Variants in CSMD1 observed in about 807,000 individuals in gnomAD.
CSMD1 encodes the protein CUB and Sushi multiple domains 1, also known as CUB and sushi domain-containing protein 1.
Under a neutral mutation model 417.5 loss-of-function variants are expected in CSMD1, and 213 were observed. The observed-to-expected ratio is 0.51, with a 90% CI of 0.46 to 0.57. The LOEUF (loss-of-function observed/expected upper bound fraction) is 0.57. Among genes scored for constraint, CSMD1 ranks in the 20% least tolerant of loss-of-function variants. The pLI is 0.00. For missense variants in CSMD1, 6,923 were observed against 4,529.7 expected (o/e 1.53, Z -15.17); for synonymous variants, 2,862 against 1,736.8 (o/e 1.65, Z -16.11).
At chr8:3,247,282 T>C (rs1356987977) in intron 26 of CSMD1, among the ~76,000 whole-genome samples, 2 of 152,168 alleles carry the variant, frequency 1.3e-5, no homozygotes, top group African/African-American at 4.8e-5. Context: ...GTCCTCAGGC[T>C]CCCTGGAGAG....
intron 1 of CSMD1, among the ~76,000 whole-genome samples, chr8:4,891,863 T>C (rs1479637925): frequency 6.6e-6 from 1 of 152,142 alleles, no homozygotes; most frequent in Non-Finnish European, 1.5e-5. Flanking sequence ...TATCCATTGA[T>C]TGTAAAAGTT....
chr8:4,683,820 G>A (rs1806195434), intron 1 of CSMD1, among the ~76,000 whole-genome samples: 1 of 152,084 alleles, frequency 6.6e-6, no homozygotes, highest in African/African-American at 2.4e-5. Context: ...GTAAAAATAA[G>A]AACAAGTAGA....
rs757020024 is a variant in CSMD1 at position 4,637,382 on chromosome 8, C to G, written c.262G>C (p.Val88Leu). Reference protein sequence around the residue: ...ALEEDFDILSVYDGQPQQGNL... With the variant: ...ALEEDFDILSLYDGQPQQGNL... ...CCTTGTTGAGGCTGTCCATCGTAAA[C>G]TGATAAAATATCAAAATCTTCTTCA... Residue 88 changes from valine (V) to leucine (L), a missense_variant, in exon 2 of 70, where the codon GTT becomes CTT. Transcript: ENST00000635120. 6.8e-6 allele frequency: 11 copies of G among 1,613,968 alleles called. No homozygotes were observed. Among genetic ancestry groups the G allele is most frequent in the Admixed American group, 3.3e-5 (2 of 60,028 alleles).
At chr8:4,524,216 T>G (rs982909847) in intron 2 of CSMD1, among the ~76,000 whole-genome samples, 2 of 150,930 alleles carry the variant, frequency 1.3e-5, no homozygotes, top group Non-Finnish European at 2.9e-5. Context: ...ATTTATATAT[T>G]AAACATTGAA....
At chr8:4,180,296 A>G (rs913173588) in intron 3 of CSMD1, among the ~76,000 whole-genome samples, 1 of 152,020 alleles carries the variant, frequency 6.6e-6, no homozygotes, top group Non-Finnish European at 1.5e-5. Context: ...ATGACACTGG[A>G]AATCATCATT....
chr8:3,504,831 G>C (rs1242412950), intron 10 of CSMD1, among the ~76,000 whole-genome samples: 3 of 152,152 alleles, frequency 2.0e-5, no homozygotes, highest in African/African-American at 2.4e-5. Context: ...TAAATTTCAA[G>C]AGAGTAGCAA....
intron 2 of CSMD1, among the ~76,000 whole-genome samples, chr8:4,491,417 C>T (rs1268363686): frequency 6.6e-6 from 1 of 152,002 alleles, no homozygotes; most frequent in African/African-American, 2.4e-5. Context: ...AACCTTACGC[C>T]CTAGCTGTGA....
At chr8:3,812,712 C>T (rs1261562618) in intron 5 of CSMD1, among the ~76,000 whole-genome samples, 2 of 152,136 alleles carry the variant, frequency 1.3e-5, no homozygotes, top group Non-Finnish European at 2.9e-5. Context: ...TGTTTGTTTC[C>T]TCAGTAGACT....
At chr8:4,759,941 C>T (rs544733249) in intron 1 of CSMD1, among the ~76,000 whole-genome samples, 1 of 152,266 alleles carries the variant, frequency 6.6e-6, no homozygotes, top group Admixed American at 6.5e-5. Context: ...CATGGAATTA[C>T]TAGGTCAAAG....
At chr8:4,374,614 G>A (rs908426284) in intron 3 of CSMD1, among the ~76,000 whole-genome samples, 6 of 152,254 alleles carry the variant, frequency 3.9e-5, no homozygotes, top group African/African-American at 1.4e-4. Flanking sequence ...AAATGGTCCT[G>A]AAAGCCAGGA....
In CSMD1 at chr8:4,087,661, T is replaced by C. The variant is rs141434763; in HGVS notation, c.416-55562A>G. On this transcript the variant is annotated intron_variant, in intron 3 of 69. Transcript: ENST00000635120. Reference sequence around the variant, plus strand: ...TCTCACATTCTTACTCTTTCTCATTTTGTGTTTGCTCATTCTTCCTCTCGT... The same window carrying C: ...TCTCACATTCTTACTCTTTCTCATTCTGTGTTTGCTCATTCTTCCTCTCGT... Among the ~76,000 whole-genome samples the C allele has an allele frequency of 8.5e-4, 130 of 152,324 alleles. 3 individuals are homozygous for C. Among genetic ancestry groups the C allele is most frequent in the African/African-American group, 3.1e-3 (128 of 41,574 alleles).
At chr8:4,725,385 C>T (rs1056150736) in intron 1 of CSMD1, among the ~76,000 whole-genome samples, 2 of 152,080 alleles carry the variant, frequency 1.3e-5, no homozygotes, top group African/African-American at 4.8e-5. Flanking sequence ...TGTTGTTTTG[C>T]TTGTGAAAGC....
At chr8:4,661,777 T>G (rs1479140784) in intron 1 of CSMD1, among the ~76,000 whole-genome samples, 1 of 152,212 alleles carries the variant, frequency 6.6e-6, no homozygotes, top group Non-Finnish European at 1.5e-5. Flanking sequence ...CATTAAATCG[T>G]AATAATCCTA....
At chr8:3,107,480 A>C (rs1816224037) in intron 45 of CSMD1, among the ~76,000 whole-genome samples, 2 of 152,180 alleles carry the variant, frequency 1.3e-5, no homozygotes, top group Admixed American at 1.3e-4. Flanking sequence ...CTGACATCAA[A>C]ATTCAAATGG....
At chr8:3,459,036 C>T (rs1005472804) in intron 12 of CSMD1, among the ~76,000 whole-genome samples, 3 of 152,188 alleles carry the variant, frequency 2.0e-5, no homozygotes, top group Non-Finnish European at 2.9e-5. Flanking sequence ...AGGAAGGACC[C>T]GCCCGGAGAG....
chr8:3,608,721 G>C (rs1470676020), intron 8 of CSMD1, among the ~76,000 whole-genome samples: 1 of 148,276 alleles, frequency 6.7e-6, no homozygotes, highest in Non-Finnish European at 1.5e-5. Context: ...CCGACATCAT[G>C]CCACTGCACT....
intron 3 of CSMD1, among the ~76,000 whole-genome samples, chr8:4,284,194 C>T (rs921813299): frequency 1.3e-5 from 2 of 152,002 alleles, no homozygotes; most frequent in Non-Finnish European, 2.9e-5. Context: ...ATGGTGAAAC[C>T]CTATCTCTAC....
intron 3 of CSMD1, among the ~76,000 whole-genome samples, chr8:4,333,696 G>C (rs893496851): frequency 6.6e-6 from 1 of 152,070 alleles, no homozygotes; most frequent in Non-Finnish European, 1.5e-5. Flanking sequence ...CATTTAATGA[G>C]AAAGAGTTGT....
chr8:4,222,694 C>G (rs1489246485), intron 3 of CSMD1, among the ~76,000 whole-genome samples: 1 of 152,122 alleles, frequency 6.6e-6, no homozygotes, highest in Non-Finnish European at 1.5e-5. Flanking sequence ...TCAGTTATGC[C>G]TCTATCTGGT....
Sources: allele counts gnomAD v4.1 joint callset (sites outside exome capture counted in the v4.1 genomes callset), GRCh38; gene constraint gnomAD v4.1.1; transcripts MANE v1.5; gene names NCBI Gene and HGNC (gene_info 2026-07-23, HGNC 2026-07-21).